Variants in NPAS2 observed in about 807,000 individuals in gnomAD.
The protein encoded by NPAS2 is neuronal PAS domain protein 2, also known as neuronal PAS domain-containing protein 2.
NPAS2 carries 23 observed loss-of-function variants against 107.5 expected under a neutral mutation model. The observed-to-expected ratio is 0.21, with a 90% CI of 0.15 to 0.30. The LOEUF (loss-of-function observed/expected upper bound fraction) is 0.30. Among genes scored for constraint, NPAS2 ranks in the 10% least tolerant of loss-of-function variants. NPAS2 has a pLI of 1.00. For synonymous variants in NPAS2, 403 were observed against 417.5 expected (o/e 0.97, Z 0.42); for missense variants, 756 against 1,043.3 (o/e 0.72, Z 3.79).
At position 100,913,583 on chromosome 2, in the gene NPAS2, T is replaced by G. The variant is rs189949611; in HGVS notation, c.32+8797T>G. Among the ~76,000 whole-genome samples, 520 of 152,276 alleles carry G rather than the reference T, an allele frequency of 3.4e-3. 2 individuals carry two copies. Among genetic ancestry groups the G allele is most frequent in the African/African-American group, 0.012 (492 of 41,564 alleles). ...CTGAAGACATTGCCAGCCAGAGCAG[T>G]CCACATATGAAATGGATTAAAAGGA... On this transcript the variant is annotated intron_variant, in intron 2 of 20. Transcript: ENST00000335681.
chr2:100,971,416 A>T (rs542623802), intron 12 of NPAS2, among the ~76,000 whole-genome samples: 5 of 151,956 alleles, frequency 3.3e-5, no homozygotes, highest in Admixed American at 3.3e-4. Flanking sequence ...TCCACTCGGC[A>T]TCTCCTCCAC....
chr2:100,990,904 A>G, intron 19 of NPAS2, 32 bp downstream of exon 19: 1 of 1,584,634 alleles, frequency 6.3e-7, no homozygotes, highest in Non-Finnish European at 8.7e-7. Flanking sequence ...GCAGGAGGCA[A>G]GCGCTGGTGG....
chr2:100,974,471 C>T (rs79782233), intron 12 of NPAS2, among the ~76,000 whole-genome samples: 6,468 of 152,254 alleles, frequency 0.042, 357 homozygotes, highest in South Asian at 0.15. Flanking sequence ...CTAGAACCTC[C>T]TTCCCCCTTC....
chr2:100,917,479 G>A (rs1483157608), intron 2 of NPAS2, among the ~76,000 whole-genome samples: 6 of 152,170 alleles, frequency 3.9e-5, no homozygotes, highest in Admixed American at 3.3e-4. Context: ...AGTGAGCCGA[G>A]ATCGTGCCAT....
At position 100,994,398 on chromosome 2, in the gene NPAS2, A is replaced by T. The variant is rs572059698; in HGVS notation, c.2292+871A>T. The T allele has an allele frequency of 4.7e-4, 72 of 152,418 alleles. 1 individual carries two copies. The highest frequency in any genetic ancestry group is 1.7e-3 in the African/African-American group (70 of 41,598). 9.4% of individuals were successfully genotyped at this position (152,418 alleles called of 1,614,324 possible). A position where few individuals can be genotyped will look rare whatever the true frequency, so the allele number is the denominator to read the frequency against. On this transcript the variant is annotated intron_variant, in intron 20 of 20. Transcript: ENST00000335681. Reference sequence around the variant, plus strand: ...TCTCCCTGACCCCACACATAGTGGGAGTCAACTCAGACTTTGGCTTTGCAG... The same window carrying T: ...TCTCCCTGACCCCACACATAGTGGGTGTCAACTCAGACTTTGGCTTTGCAG...
In NPAS2 at chr2:100,995,433, C is replaced by G. The variant is rs1307122618; in HGVS notation, c.2326C>G (p.Gln776Glu). 2 of 1,613,798 alleles carry G rather than the reference C, an allele frequency of 1.2e-6. No homozygotes were observed. Among genetic ancestry groups the G allele is most frequent in the Non-Finnish European group, 1.7e-6 (2 of 1,179,928 alleles). The change falls in exon 21 of 21, where the codon CAG becomes GAG. Residue 776 changes from glutamine to glutamate, a missense_variant. This residue lies in a region of NPAS2 where 496 missense variants were observed against 594.4 expected (regional missense o/e 0.83). Transcript: ENST00000335681. The stretch of plus-strand genomic sequence containing the variant: ...ACCAACCTCTTTGCACAGTGAGCAG[C>G]AGGACTCGCTACTTCTCTCCACCTA... ...QAPTSLHSEQ[Q>E]DSLLLSTYSQ...
At chr2:100,918,491 A>G (rs1397066572) in intron 2 of NPAS2, among the ~76,000 whole-genome samples, 3 of 152,192 alleles carry the variant, frequency 2.0e-5, no homozygotes, top group African/African-American at 4.8e-5. Flanking sequence ...AATACTGACA[A>G]ATCACATTTC....
intron 14 of NPAS2, 61 bp from the exon 15 acceptor site, chr2:100,977,649 C>A: frequency 6.9e-7 from 1 of 1,446,756 alleles, no homozygotes; most frequent in Non-Finnish European, 9.7e-7. Flanking sequence ...ACCAAGAGAC[C>A]ACATCCCTGT....
chr2:100,968,565 A>G lies in NPAS2; in HGVS notation c.1055+137A>G. 1.3e-6 allele frequency: 1 copy of G among 791,834 alleles called. No homozygotes were observed. Among genetic ancestry groups the G allele is most frequent in the Non-Finnish European group, 2.0e-6 (1 of 507,268 alleles). The allele number at this position is 791,834 out of a possible 1,614,324, so 49.1% of individuals were successfully genotyped here. ...CCATTTCGAAGATGAAGCCCAGGCC[A>G]TCCCCTGCCGTTAACAGCACAATTC... On this transcript the variant is annotated intron_variant, in intron 11 of 20. Transcript: ENST00000335681. This position sits in a 1 kb window ranked among gnomAD's most constrained non-coding sequence, Gnocchi z 5.3.
chr2:100,940,139 A>G (rs923320134), intron 5 of NPAS2, among the ~76,000 whole-genome samples: 3 of 152,194 alleles, frequency 2.0e-5, no homozygotes, highest in Non-Finnish European at 2.9e-5. Context: ...CCCTGGTGCA[A>G]TCAGCATACA....
chr2:100,912,338 T>A (rs1263183661), intron 2 of NPAS2, among the ~76,000 whole-genome samples: 1 of 152,076 alleles, frequency 6.6e-6, no homozygotes, highest in East Asian at 1.9e-4. Context: ...TCCCATCCTA[T>A]AATGCAGAAC....
rs568532900 is a variant in NPAS2, at chr2:100,899,463, T to C, written c.-22-5270T>C. Among the ~76,000 whole-genome samples, 7 of 152,274 alleles carry C rather than the reference T, an allele frequency of 4.6e-5. No individual in the cohort carries two copies. The East Asian group carries it at 1.2e-3, about 25-fold the overall frequency. Reference sequence around the variant, plus strand: ...GTCTCGAACTCCTGACCTCAGCTGATCCACCTACCTTGGCTTCCCAAAGTG... The same window carrying C: ...GTCTCGAACTCCTGACCTCAGCTGACCCACCTACCTTGGCTTCCCAAAGTG... On this transcript the variant is annotated intron_variant, in intron 1 of 20. Coordinates refer to ENST00000335681, the MANE Select transcript of NPAS2 (RefSeq NM_002518.4).
intron 1 of NPAS2, among the ~76,000 whole-genome samples, chr2:100,832,887 A>G (rs1676831938): frequency 6.6e-6 from 1 of 152,202 alleles, no homozygotes; most frequent in African/African-American, 2.4e-5. Flanking sequence ...TCCTCGTGCC[A>G]TGTGTCTAAG....
At chr2:100,849,975 T>C (rs1489570599) in intron 1 of NPAS2, among the ~76,000 whole-genome samples, 1 of 124,992 alleles carries the variant, frequency 8.0e-6, no homozygotes, top group Non-Finnish European at 1.6e-5. Context: ...ATAGCCAACT[T>C]AAACTCCAAG....
At position 100,937,853 on chromosome 2, in the gene NPAS2, A is replaced by G; in HGVS notation, c.363+11A>G. ...CTTGGGCATTTACCGGTGAGTTTCC[A>G]CTCCAATGGCCTTTACCGGTTCACG... On this transcript the variant is annotated intron_variant, in intron 5 of 20. Transcript: ENST00000335681. 1 of 1,582,050 alleles carries G rather than the reference A, an allele frequency of 6.3e-7. No individual in the cohort carries two copies.
rs185607985 is a variant in NPAS2, at chr2:100,957,963, A to G, written c.599-6095A>G. On this transcript the variant is annotated intron_variant, in intron 7 of 20. Transcript: ENST00000335681. ...GGTCTTTGCTTTACGGGGTCCTAAT[A>G]TGCAGGCTTCCAGATCCTGAAAGAT... Among the ~76,000 whole-genome samples the G allele has an allele frequency of 1.1e-3, 170 of 152,314 alleles. 1 individual carries two copies. Among genetic ancestry groups the G allele is most frequent in the African/African-American group, 3.7e-3 (154 of 41,580 alleles).
chr2:100,874,427 A>G (rs1679823389), intron 1 of NPAS2, among the ~76,000 whole-genome samples: 1 of 152,144 alleles, frequency 6.6e-6, no homozygotes, highest in Non-Finnish European at 1.5e-5. Context: ...GAGAATTCTC[A>G]TATAGCAACT....
intron 5 of NPAS2, among the ~76,000 whole-genome samples, chr2:100,943,017 C>T (rs968658150): frequency 1.3e-5 from 2 of 152,186 alleles, no homozygotes; most frequent in African/African-American, 4.8e-5. Context: ...CTTCCATGAA[C>T]ATCCTGTAGT....
At chr2:100,931,204 C>T (rs891229845) in intron 3 of NPAS2, among the ~76,000 whole-genome samples, 1 of 152,174 alleles carries the variant, frequency 6.6e-6, no homozygotes, top group Non-Finnish European at 1.5e-5. Context: ...TCCAGGGGCC[C>T]TCTCAGTGTC....
Sources: gnomAD v4.1 joint callset for allele counts (sites outside exome capture counted in the v4.1 genomes callset) on GRCh38, gnomAD v4.1.1 for gene constraint, gnomAD v4.1.1 regional missense constraint, Gnocchi (gnomAD v3.1) non-coding constraint, MANE v1.5 for transcripts, NCBI Gene and HGNC (gene_info 2026-07-23, HGNC 2026-07-21) for gene names.